Variants in PDK1 observed in about 807,000 individuals in gnomAD.
PDK1 encodes pyruvate dehydrogenase kinase 1, also known as [Pyruvate dehydrogenase (acetyl-transferring)] kinase isozyme 1, mitochondrial.
PDK1 carries 39 observed loss-of-function variants against 54.2 expected under a neutral mutation model. The observed-to-expected ratio is 0.72, with a 90% CI of 0.56 to 0.94. The LOEUF (loss-of-function observed/expected upper bound fraction) is 0.94. Ranked by LOEUF, PDK1 falls within the 40% of genes least tolerant of loss-of-function variation. The pLI is 0.00. For missense variants in PDK1, 552 were observed against 566.0 expected (o/e 0.98, Z 0.25); for synonymous variants, 221 against 207.1 (o/e 1.07, Z -0.58).
the PDK1 span, among the ~76,000 whole-genome samples, chr2:172,702,540 A>G: frequency 6.7e-6 from 1 of 149,654 alleles, no homozygotes; most frequent in Non-Finnish European, 1.5e-5. Flanking sequence ...CCTGAACTAC[A>G]ATTGTCTCGC....
the PDK1 span, among the ~76,000 whole-genome samples, chr2:172,643,677 G>T: frequency 6.6e-6 from 1 of 152,110 alleles, no homozygotes; most frequent in Non-Finnish European, 1.5e-5. Flanking sequence ...TGTATGGGCT[G>T]GAATGTCCAC....
At chr2:172,590,818 T>A (rs1690529378) in intron 9 of PDK1, among the ~76,000 whole-genome samples, 1 of 120,708 alleles carries the variant, frequency 8.3e-6, no homozygotes, top group Non-Finnish European at 1.7e-5. Context: ...AACCTTTAGC[T>A]AGACACAGAG....
chr2:172,630,072 A>G, the PDK1 span, among the ~76,000 whole-genome samples: 10 of 152,194 alleles, frequency 6.6e-5, no homozygotes, highest in African/African-American at 1.2e-4. Context: ...CTACTCCCCA[A>G]CCTTCAGCAG....
intron 1 of PDK1, among the ~76,000 whole-genome samples, chr2:172,557,555 AGTG>A (rs1171734250): frequency 2.0e-5 from 3 of 151,848 alleles, no homozygotes; most frequent in Admixed American, 6.6e-5. Context: ...GCAAACAGGC[AGTG>A]GTGAATTTTG....
At chr2:172,660,873 AG>A in the PDK1 span, among the ~76,000 whole-genome samples, 37 of 152,258 alleles carry the variant, frequency 2.4e-4, no homozygotes, top group Admixed American at 2.2e-3. Context: ...AGCCCAAGCC[AG>A]AGTTCCAGCT....
chr2:172,664,965 C>T, the PDK1 span, among the ~76,000 whole-genome samples: 3 of 151,994 alleles, frequency 2.0e-5, no homozygotes, highest in East Asian at 5.8e-4. Flanking sequence ...TGTTTTCAAA[C>T]TTTTTGGTTT....
At chr2:172,634,262 A>ATATTATTATTCTTATTATTATTAT in the PDK1 span, among the ~76,000 whole-genome samples, 1 of 139,462 alleles carries the variant, frequency 7.2e-6, no homozygotes, top group Non-Finnish European at 1.5e-5. Context: ...AAATCTATTT[A>ATATTATTATTCTTATTATTATTAT]TATTATTATT....
chr2:172,613,066 C>T (rs960312421), downstream of PDK1, among the ~76,000 whole-genome samples: 1 of 152,154 alleles, frequency 6.6e-6, no homozygotes, highest in Admixed American at 6.6e-5. Flanking sequence ...TGGAGGGTAA[C>T]GAAACAATTT....
At chr2:172,641,441 A>AT in the PDK1 span, among the ~76,000 whole-genome samples, 2,697 of 119,530 alleles carry the variant, frequency 0.023, 94 homozygotes, top group African/African-American at 0.068. Context: ...TAACTTGTCC[A>AT]TTTTTTTTTT....
the PDK1 span, among the ~76,000 whole-genome samples, chr2:172,622,551 CAT>C: frequency 7.5e-6 from 1 of 133,156 alleles, no homozygotes; most frequent in African/African-American, 2.7e-5. Context: ...ATGTTTATAT[CAT>C]GTGAGATATG....
the PDK1 span, among the ~76,000 whole-genome samples, chr2:172,708,546 A>T: frequency 6.6e-6 from 1 of 152,248 alleles, no homozygotes; most frequent in Non-Finnish European, 1.5e-5. Flanking sequence ...AAGAAATAGC[A>T]GTATACATAT....
At chr2:172,668,598 A>C in the PDK1 span, among the ~76,000 whole-genome samples, 2 of 151,878 alleles carry the variant, frequency 1.3e-5, no homozygotes, top group Non-Finnish European at 2.9e-5. Flanking sequence ...CCTCATAGGA[A>C]ATTATGGCCT....
chr2:172,563,365 G>C (rs1321770397), intron 3 of PDK1, among the ~76,000 whole-genome samples: 1 of 152,182 alleles, frequency 6.6e-6, no homozygotes, highest in Non-Finnish European at 1.5e-5. Context: ...TAGTTTAACA[G>C]TCTTGTTTTG....
At chr2:172,651,943 AG>A in the PDK1 span, among the ~76,000 whole-genome samples, 956 of 152,368 alleles carry the variant, frequency 6.3e-3, 2 homozygotes, top group African/African-American at 0.021. Context: ...ATAGAAAAAG[AG>A]GGAATCCTCC....
At chr2:172,565,571 G>C (rs1219103601) in intron 5 of PDK1, among the ~76,000 whole-genome samples, 2 of 147,818 alleles carry the variant, frequency 1.4e-5, no homozygotes, top group African/African-American at 5.1e-5. Context: ...AAAGAGCTGG[G>C]ATTACAGGCG....
chr2:172,705,985 G>C, the PDK1 span, among the ~76,000 whole-genome samples: 275 of 152,290 alleles, frequency 1.8e-3, no homozygotes, highest in Middle Eastern at 0.027. Flanking sequence ...ATAATACAGA[G>C]AGACCCCACT....
intron 2 of PDK1, among the ~76,000 whole-genome samples, chr2:172,559,321 T>C (rs1403503818): frequency 6.6e-6 from 1 of 152,212 alleles, no homozygotes; most frequent in Non-Finnish European, 1.5e-5. Flanking sequence ...GCTTGTGCCC[T>C]GAATCGTGGA....
chr2:172,558,745 T>G lies in PDK1; in HGVS notation c.234T>G (p.Phe78Leu), dbSNP rs779852885. Residue 78 changes from phenylalanine (F) to leucine (L), a missense_variant, in exon 2 of 11, where the codon TTT becomes TTG. Coordinates refer to ENST00000282077, the MANE Select transcript of PDK1 (RefSeq NM_002610.5). Reference protein sequence around the residue: ...VNACEKTSFMFLRQELPVRLA... With the variant: ...VNACEKTSFMLLRQELPVRLA... ...CTTGTGAAAAGACCTCATTTATGTT[T>G]CTGCGGCAAGAGTTGCCTGTCAGAC... 26 of 1,610,804 alleles carry G rather than the reference T, an allele frequency of 1.6e-5. No homozygotes were observed.
the PDK1 span, among the ~76,000 whole-genome samples, chr2:172,649,907 ACACT>A: frequency 6.6e-6 from 1 of 152,188 alleles, no homozygotes; most frequent in South Asian, 2.1e-4. Context: ...AAGTTGGAAA[ACACT>A]CTTCAGGATA....
Sources: gnomAD v4.1 joint callset for allele counts (sites outside exome capture counted in the v4.1 genomes callset) on GRCh38, gnomAD v4.1.1 for gene constraint, MANE v1.5 for transcripts, NCBI Gene and HGNC (gene_info 2026-07-23, HGNC 2026-07-21) for gene names.